Variants in LRPPRC observed in about 807,000 individuals in gnomAD.
LRPPRC encodes leucine rich pentatricopeptide repeat containing.
LRPPRC carries 120 observed loss-of-function variants against 180.3 expected under a neutral mutation model. The ratio of observed to expected loss-of-function variants is 0.67; its 90% confidence interval spans 0.57 to 0.77. LRPPRC has a LOEUF of 0.77. Among genes scored for constraint, LRPPRC ranks in the 30% least tolerant of loss-of-function variants. The probability of loss-of-function intolerance (pLI) is 0.00; values close to 1 mark genes in which losing one functional copy is unlikely to be tolerated. For synonymous variants in LRPPRC, 723 were observed against 600.0 expected, an observed-to-expected ratio of 1.21 and a Z score of -3.00; for missense variants, 2,012 against 1,657.2, an observed-to-expected ratio of 1.21 and a Z score of -3.72.
At chr2:43,889,659 AT>A in intron 37 of LRPPRC, 74 bp downstream of exon 37, 1 of 1,208,948 alleles carries the variant, frequency 8.3e-7, no homozygotes, top group South Asian at 1.2e-5. Flanking sequence ...TCTTCAACTT[AT>A]TTTCTTACAC....
Position 43,975,155 on chromosome 2 carries a change from G to C in LRPPRC, c.800C>G (p.Pro267Arg), listed in dbSNP as rs780854503. 3 of 1,613,362 alleles carry C rather than the reference G, an allele frequency of 1.9e-6. No homozygotes were observed. Among genetic ancestry groups the C allele is most frequent in the Non-Finnish European group, 2.5e-6 (3 of 1,179,580 alleles). ...ATTCAATAATGCGAGGTATGTGTCTGGACCAGGCTCAATTCCGGCATCTCT... is the reference window on the plus strand; with the variant it reads ...ATTCAATAATGCGAGGTATGTGTCTCGACCAGGCTCAATTCCGGCATCTCT... ...VMRDAGIEPG[P>R]DTYLALLNAY... Residue 267 changes from proline (P) to arginine (R), a missense_variant, in exon 7 of 38, where the codon CCA becomes CGA. Coordinates refer to ENST00000260665, the MANE Select transcript of LRPPRC (RefSeq NM_133259.4).
intron 1 of LRPPRC, among the ~76,000 whole-genome samples, chr2:43,987,703 T>C (rs1267055690): frequency 6.6e-6 from 1 of 152,144 alleles, no homozygotes; most frequent in African/African-American, 2.4e-5. Flanking sequence ...AACAAATCTT[T>C]AGTTTCTCAG....
intron 13 of LRPPRC, chr2:43,959,314 A>T: frequency 1.5e-6 from 1 of 662,686 alleles, no homozygotes; most frequent in Non-Finnish European, 2.8e-6. Context: ...TACAACAGTC[A>T]CCATTTTTCA....
chr2:43,943,313 T>C (rs1672552783), intron 23 of LRPPRC, among the ~76,000 whole-genome samples: 1 of 152,080 alleles, frequency 6.6e-6, no homozygotes, highest in African/African-American at 2.4e-5. Flanking sequence ...AAAGGAGCAC[T>C]GAAGATGCTT....
At position 43,995,952 on chromosome 2, in the gene LRPPRC, C is replaced by G; in HGVS notation, c.-5G>C. 1 of 1,525,176 alleles carries G rather than the reference C, an allele frequency of 6.6e-7. No homozygotes were observed. The highest frequency in any genetic ancestry group is 8.8e-7 in the Non-Finnish European group (1 of 1,142,768). The allele number at this position is 1,525,176 out of a possible 1,614,324, so 94.5% of individuals were successfully genotyped here. A position where few individuals can be genotyped will look rare whatever the true frequency, so the allele number is the denominator to read the frequency against. On this transcript the variant is annotated 5_prime_UTR_variant, in exon 1 of 38. Transcript: ENST00000260665. ...GGATCTCAGCAGGGCTGCCATTGCT[C>G]GAACGTCCCCGCAGCGGGAAGCACG...
Position 43,973,788 on chromosome 2 carries a change from G to C in LRPPRC, c.1261+7C>G, listed in dbSNP as rs1277434891. 1.2e-6 allele frequency: 2 copies of C among 1,608,450 alleles called. No homozygotes were observed. The highest frequency in any genetic ancestry group is 2.7e-5 in the African/African-American group (2 of 74,906). On this transcript the variant is annotated splice_region_variant and intron_variant, in intron 10 of 37. Transcript: ENST00000260665. ...CTTACTTGGCTTTAACTTTAAGAAT[G>C]TAGTACCAGTTTTATTGGCGAGTAA...
chr2:43,894,472 A>C (rs1443629120), intron 36 of LRPPRC, 73 bp downstream of exon 36: 2 of 793,738 alleles, frequency 2.5e-6, no homozygotes, highest in African/African-American at 3.5e-5. Flanking sequence ...ACTACAAGTC[A>C]TTTACATGAT....
intron 1 of LRPPRC, among the ~76,000 whole-genome samples, chr2:43,990,595 C>A (rs911289516): frequency 6.6e-6 from 1 of 152,216 alleles, no homozygotes; most frequent in Non-Finnish European, 1.5e-5. Context: ...TCTTCACGCT[C>A]TTCTCTATTT....
At chr2:43,956,478 CGT>C (rs56919652) in intron 14 of LRPPRC, among the ~76,000 whole-genome samples, 3,189 of 142,414 alleles carry the variant, frequency 0.022, 73 homozygotes, top group African/African-American at 0.059. Context: ...AAGAAAAAAA[CGT>C]GTGTGTGTGT....
At chr2:43,993,953 A>C (rs1227056906) in intron 1 of LRPPRC, among the ~76,000 whole-genome samples, 1 of 152,172 alleles carries the variant, frequency 6.6e-6, no homozygotes. Flanking sequence ...ACAGGTTAGT[A>C]AGATGGCTGA....
intron 36 of LRPPRC, chr2:43,890,113 G>A (rs1572883610): frequency 1.8e-6 from 1 of 556,818 alleles, no homozygotes. Context: ...TACATTTAAA[G>A]GACTTTAGAA....
In LRPPRC at chr2:43,925,172, TAA is replaced by T. The variant is rs1217302251; in HGVS notation, c.2806-17_2806-16del. 1 of 1,262,086 alleles carries T rather than the reference TAA, an allele frequency of 7.9e-7. No individual in the cohort carries two copies. 78.2% of individuals were successfully genotyped at this position (1,262,086 alleles called of 1,614,324 possible). ...AGAGTTTCAACCTTAAAAGTAAGAT[TAA>T]GAGATAGATCTACCTTGTGTAAAGG... On this transcript the variant is annotated splice_polypyrimidine_tract_variant and intron_variant, in intron 26 of 37. Coordinates refer to ENST00000260665, the MANE Select transcript of LRPPRC (RefSeq NM_133259.4).
In LRPPRC at chr2:43,974,722, T is replaced by C. The variant is rs1364403240; in HGVS notation, c.901A>G (p.Met301Val). The C allele has an allele frequency of 1.9e-6, 3 of 1,613,622 alleles. No homozygotes were observed. The highest frequency in any genetic ancestry group is 1.3e-5 in the African/African-American group (1 of 74,916). The stretch of plus-strand genomic sequence containing the variant: ...ATAATTTGCAGTAAATCACGGTCCA[T>C]AAGGTGAAGCTCGGACTTCTCCACC... Reference protein sequence around the residue: ...EKVEKSELHLMDRDLLQIIFS... With the variant: ...EKVEKSELHLVDRDLLQIIFS... The change falls in exon 8 of 38, where the codon ATG becomes GTG. Residue 301 changes from methionine to valine, a missense_variant. By Grantham distance (21) the Met-to-Val change is conservative. Coordinates refer to ENST00000260665, the MANE Select transcript of LRPPRC (RefSeq NM_133259.4).
At position 43,918,388 on chromosome 2, in the gene LRPPRC, A is replaced by C. The variant is rs771414283; in HGVS notation, c.2907T>G (p.Gly969=). The change falls in exon 28 of 38, where the codon GGT becomes GGG. Residue 969 remains glycine (G), a synonymous_variant. Coordinates refer to ENST00000260665, the MANE Select transcript of LRPPRC (RefSeq NM_133259.4). ...YNLLKLYKIN[G]DWQRADAVWN... ...AGACTGCATCAGCTCTTTGCCAGTC[A>C]CCGTTTATTTCTGTAGAATTTGATT... is the stretch of plus-strand genomic sequence containing the variant. 8 of 1,609,078 alleles carry C rather than the reference A, an allele frequency of 5.0e-6. No individual in the cohort carries two copies. Among genetic ancestry groups the C allele is most frequent in the Non-Finnish European group, 6.8e-6 (8 of 1,175,672 alleles).
upstream of LRPPRC, chr2:43,996,017 A>T (rs1414923483): frequency 4.0e-6 from 6 of 1,488,758 alleles, no homozygotes; most frequent in African/African-American, 1.4e-5. Flanking sequence ...ACCGCAGGGT[A>T]GCCTGGCGCG....
intron 26 of LRPPRC, among the ~76,000 whole-genome samples, chr2:43,925,653 C>A (rs1268602554): frequency 6.6e-6 from 1 of 152,174 alleles, no homozygotes; most frequent in East Asian, 1.9e-4. Context: ...GACATTAGGT[C>A]AGCCTGCTCC....
chr2:43,905,373 C>A (rs565360802), intron 31 of LRPPRC, among the ~76,000 whole-genome samples: 1 of 152,220 alleles, frequency 6.6e-6, no homozygotes, highest in East Asian at 1.9e-4. Context: ...TGAATTTTAA[C>A]GCACTTGAAA....
At chr2:43,968,090 G>A (rs1366342693) in intron 11 of LRPPRC, among the ~76,000 whole-genome samples, 1 of 151,548 alleles carries the variant, frequency 6.6e-6, no homozygotes, top group African/African-American at 2.4e-5. Flanking sequence ...AGATACTCTG[G>A]TGAAATGACA....
chr2:43,950,541 A>C (rs1208203485), intron 15 of LRPPRC, 32 bp downstream of exon 15: 1 of 1,584,074 alleles, frequency 6.3e-7, no homozygotes, highest in Admixed American at 1.7e-5. Flanking sequence ...CGTTAAAAGC[A>C]CCTTATGATT....
Sources: gnomAD v4.1 joint callset for allele counts (sites outside exome capture counted in the v4.1 genomes callset) on GRCh38, gnomAD v4.1.1 for gene constraint, MANE v1.5 for transcripts, NCBI Gene and HGNC (gene_info 2026-07-23, HGNC 2026-07-21) for gene names.